ABCA7: variants seen among roughly 807,000 people sequenced by gnomAD.
ABCA7 encodes ATP binding cassette subfamily A member 7.
A neutral mutation model predicts 227.6 loss-of-function variants in ABCA7; 261 were observed. That is an observed-to-expected ratio of 1.15 (90% CI 1.04 to 1.27). The LOEUF (loss-of-function observed/expected upper bound fraction) is 1.27, where lower values mean the gene tolerates loss of function less well. Ranked by LOEUF, ABCA7 falls within the 50% of genes most tolerant of loss-of-function variation. The pLI, the probability that ABCA7 is intolerant of heterozygous loss-of-function variation, is 0.00. For missense variants in ABCA7, 3,331 were observed against 2,924.5 expected (o/e 1.14, Z -3.21); for synonymous variants, 1,488 against 1,279.7 (o/e 1.16, Z -3.47).
intron 40 of ABCA7, among the ~76,000 whole-genome samples, chr19:1,060,449 G>T (rs572290258): frequency 6.6e-6 from 1 of 151,664 alleles, no homozygotes; most frequent in Non-Finnish European, 1.5e-5. Flanking sequence ...GACCTCAAAT[G>T]ATCCACCCAC....
In ABCA7 at chr19:1,044,478, C is replaced by T. The variant is rs1568244041; in HGVS notation, c.1048-99C>T. ...GGCCAGGCTGGTCTCGAACTCCTGA[C>T]CTCAGGTGATCCACCCGCCTCGCCT... On this transcript the variant is annotated intron_variant, in intron 10 of 46. Transcript: ENST00000263094. 8 of 1,421,614 alleles carry T rather than the reference C, an allele frequency of 5.6e-6. No individual in the cohort carries two copies. In the Admixed American group the frequency reaches 1.0e-4, roughly 19 times the overall value. The allele number at this position is 1,421,614 out of a possible 1,614,324, so 88.1% of individuals were successfully genotyped here.
chr19:1,041,676 C>A lies in ABCA7; in HGVS notation c.160+73C>A, dbSNP rs1169079181. On this transcript the variant is annotated intron_variant, in intron 3 of 46. Transcript: ENST00000263094. ...GATGGCTCACCCGTGCACAGGAATC[C>A]CCCGTGCATGTCAGGGAGCCTTCAC... 3 of 1,564,316 alleles carry A rather than the reference C, an allele frequency of 1.9e-6. No individual in the cohort carries two copies. In the African/African-American group the frequency reaches 4.0e-5, roughly 21 times the overall value.
At chr19:1,050,047 A>G (rs2041396497) in intron 18 of ABCA7, among the ~76,000 whole-genome samples, 1 of 133,384 alleles carries the variant, frequency 7.5e-6, no homozygotes, top group African/African-American at 2.9e-5. Flanking sequence ...GAGGCCCCCG[A>G]CCAGTCCCTC....
intron 45 of ABCA7, 157 bp from the exon 46 acceptor site, chr19:1,064,774 G>GGGCGGGGGGT: frequency 2.4e-6 from 3 of 1,251,628 alleles, no homozygotes; most frequent in Non-Finnish European, 2.1e-6. Context: ...TCAGCTACGC[G>GGGCGGGGGGT]GGCGGGGGGT....
chr19:1,044,538 TGCCCGACCCAGACTCTCACTTTCACCTGC>T lies in ABCA7; in HGVS notation c.1048-34_1048-6del. The stretch of plus-strand genomic sequence containing the variant: ...CTGGGATTACAGGCATGAGCCACTG[TGCCCGACCCAGACTCTCACTTTCACCTGC>T]GCCCCCCAGCGGCTCCTGCAGATGC... On this transcript the variant is annotated splice_polypyrimidine_tract_variant and intron_variant, in intron 10 of 46. Coordinates refer to ENST00000263094, the MANE Select transcript of ABCA7 (RefSeq NM_019112.4). 6.3e-7 allele frequency: 1 copy of T among 1,590,632 alleles called. No homozygotes were observed. The highest frequency in any genetic ancestry group is 1.3e-5 in the African/African-American group (1 of 74,578).
Position 1,047,649 on chromosome 19 carries a change from G to T in ABCA7, c.2264G>T (p.Cys755Phe), listed in dbSNP as rs780075115. 32 of 1,593,162 alleles carry T rather than the reference G, an allele frequency of 2.0e-5. No individual in the cohort carries two copies. The highest frequency in any genetic ancestry group is 1.8e-4 in the South Asian group (16 of 90,032). ...GLATWYLEAV[C>F]PGQYGIPEPW... ...GCCACCTGGTACCTGGAAGCTGTGTGCCCAGGTGGGCCGTAGGGGGCGGGG... is the reference window on the plus strand; with the variant it reads ...GCCACCTGGTACCTGGAAGCTGTGTTCCCAGGTGGGCCGTAGGGGGCGGGG... Residue 755 changes from cysteine (C) to phenylalanine (F), a missense_variant, in exon 16 of 47, where the codon TGC becomes TTC. Transcript: ENST00000263094.
chr19:1,061,451 C>T (rs992581171), intron 40 of ABCA7, among the ~76,000 whole-genome samples: 4 of 148,448 alleles, frequency 2.7e-5, no homozygotes, highest in Admixed American at 6.7e-5. Context: ...AATCCCAGCA[C>T]TTTAGGAGTT....
intron 16 of ABCA7, among the ~76,000 whole-genome samples, chr19:1,047,896 G>A (rs1344698812): frequency 6.6e-6 from 1 of 152,226 alleles, no homozygotes; most frequent in Non-Finnish European, 1.5e-5. Context: ...ATGGCCAGAA[G>A]CTGGCACAGT....
intron 34 of ABCA7, 46 bp downstream of exon 34, chr19:1,057,130 A>C: frequency 1.3e-6 from 2 of 1,590,568 alleles, no homozygotes; most frequent in Non-Finnish European, 1.7e-6. Context: ...ACTGCTTGCC[A>C]CTGCCCTGTC....
intron 17 of ABCA7, 109 bp from the exon 18 acceptor site, chr19:1,049,157 T>C (rs1260507748): frequency 2.2e-6 from 3 of 1,346,470 alleles, no homozygotes; most frequent in East Asian, 2.3e-5. Flanking sequence ...CCCGCAGCTT[T>C]TATAGGCCCC....
chr19:1,050,195 G>A (rs1230331348), intron 18 of ABCA7, among the ~76,000 whole-genome samples: 1 of 151,616 alleles, frequency 6.6e-6, no homozygotes, highest in African/African-American at 2.4e-5. Flanking sequence ...AGGATTGCCT[G>A]AGGTCAGAGT....
chr19:1,062,316 G>A lies in ABCA7; in HGVS notation c.5712+3G>A. 1 of 1,601,856 alleles carries A rather than the reference G, an allele frequency of 6.2e-7. No individual in the cohort carries two copies. Among genetic ancestry groups the A allele is most frequent in the Non-Finnish European group, 8.5e-7 (1 of 1,179,272 alleles). The stretch of plus-strand genomic sequence containing the variant: ...TCCCGGAGGCCCAGGTTGCCCAGGT[G>A]AGCCCACTTTGTCCCCACCGCTCTC... On this transcript the variant is annotated splice_donor_region_variant and intron_variant, in intron 42 of 46. Transcript: ENST00000263094.
chr19:1,058,266 T>C lies in ABCA7; in HGVS notation c.5146T>C (p.Leu1716=), dbSNP rs779123494. 1.5e-5 allele frequency: 25 copies of C among 1,613,076 alleles called. 1 individual carries two copies. The South Asian group carries it at 2.6e-4, about 17-fold the overall frequency. ...NQAMADAFER[L]GDRQFQSPLR... ...GGCCATGGCTGATGCCTTTGAGCGC[T>C]TGGGTGAGAACTTCCTGTCAGGTGG... Residue 1716 remains leucine, a synonymous_variant, in exon 37 of 47, where the codon TTG becomes CTG. Transcript: ENST00000263094.
chr19:1,056,932 G>A lies in ABCA7; in HGVS notation c.4612G>A (p.Val1538Ile), dbSNP rs140816246. The change falls in exon 34 of 47, where the codon GTC becomes ATC. Residue 1538 changes from valine (V) to isoleucine (I), a missense_variant. Transcript: ENST00000263094. The surrounding 1 kb of genome is among the most constrained non-coding windows in gnomAD (Gnocchi z 4.3). ...ALMASSVDVL[V>I]SICVVFAMSF... ...GATGGCCTCCTCGGTGGACGTCCTCGTCTCCATCTGTGTGGTCTTTGCCAT... is the reference window on the plus strand; with the variant it reads ...GATGGCCTCCTCGGTGGACGTCCTCATCTCCATCTGTGTGGTCTTTGCCAT... 1.6e-4 allele frequency: 266 copies of A among 1,613,634 alleles called. No homozygotes were observed. The highest frequency in any genetic ancestry group is 2.1e-4 in the Non-Finnish European group (244 of 1,179,864).
In ABCA7 at chr19:1,042,100, G is replaced by T. The variant is rs771769452; in HGVS notation, c.339G>T (p.Leu113=). The change falls in exon 5 of 47, where the codon CTG becomes CTT. Residue 113 remains leucine, a synonymous_variant. Coordinates refer to ENST00000263094, the MANE Select transcript of ABCA7 (RefSeq NM_019112.4). ...TGCTAGCCGATGCCCGCACTGTGCT[G>T]GGAGGGGCCAGTGCCCACAGGACGC... is the stretch of plus-strand genomic sequence containing the variant. ...SRLLADARTV[L]GGASAHRTLA... is the part of the protein sequence containing the mutation. 6.3e-7 allele frequency: 1 copy of T among 1,598,432 alleles called. No individual in the cohort carries two copies.
rs776867096 is a variant in ABCA7 at position 1,042,439 on chromosome 19, T to C, written c.498+42T>C. ...GGACCGCGCTGACTTCCTGGGACAC[T>C]GCACTGGGGATGTCCTGGCACTGCC... is the stretch of plus-strand genomic sequence containing the variant. On this transcript the variant is annotated intron_variant, in intron 6 of 46. Transcript: ENST00000263094. 4.4e-6 allele frequency: 7 copies of C among 1,605,924 alleles called. No individual in the cohort carries two copies. In the South Asian group the frequency reaches 4.4e-5, roughly 10 times the overall value.
At position 1,057,366 on chromosome 19, in the gene ABCA7, A is replaced by G. The variant is rs759190451; in HGVS notation, c.4817A>G (p.Gln1606Arg). The G allele has an allele frequency of 1.1e-5, 18 of 1,613,948 alleles. No homozygotes were observed. The Admixed American group carries it at 2.8e-4, about 25-fold the overall frequency. Residue 1606 changes from glutamine to arginine, a missense_variant, in exon 35 of 47, where the codon CAG becomes CGG. By Grantham distance (43) the Gln-to-Arg change is conservative (BLOSUM62 1). Transcript: ENST00000263094. ...CIVVLIFLAF[Q>R]QRAYVAPANL... ...GTGGTGCTCATCTTTCTGGCCTTCCAGCAGAGGGCATATGTGGCCCCTGCC... is the reference window on the plus strand; with the variant it reads ...GTGGTGCTCATCTTTCTGGCCTTCCGGCAGAGGGCATATGTGGCCCCTGCC...
intron 38 of ABCA7, 33 bp from the exon 39 acceptor site, chr19:1,058,786 AC>A: frequency 6.2e-7 from 1 of 1,600,956 alleles, no homozygotes; most frequent in South Asian, 1.1e-5. Flanking sequence ...GGGGCCAAGG[AC>A]CTACTTTAAG....
intron 35 of ABCA7, among the ~76,000 whole-genome samples, 181 bp downstream of exon 35, chr19:1,057,610 G>A (rs943674300): frequency 1.3e-5 from 2 of 152,060 alleles, no homozygotes; most frequent in Non-Finnish European, 2.9e-5. Context: ...ATCTTATCCT[G>A]ACTCATATTA....
Sources: gnomAD v4.1 joint callset for allele counts (sites outside exome capture counted in the v4.1 genomes callset) on GRCh38, gnomAD v4.1.1 for gene constraint, Gnocchi (gnomAD v3.1) non-coding constraint, MANE v1.5 for transcripts, NCBI Gene and HGNC (gene_info 2026-07-23, HGNC 2026-07-21) for gene names.